The following FOXJ3 variants were observed in gnomAD, a reference collection of about 807,000 sequenced individuals.
FOXJ3 encodes the protein forkhead box J3, also known as forkhead box protein J3.
Under a neutral mutation model 76.1 loss-of-function variants are expected in FOXJ3, and 22 were observed. The observed-to-expected ratio is 0.29, with a 90% CI of 0.21 to 0.41. FOXJ3 has a LOEUF of 0.41. FOXJ3 is among the 10% of genes least tolerant of loss of function. FOXJ3 has a pLI of 1.00. For synonymous variants in FOXJ3, 269 were observed against 261.2 expected, an observed-to-expected ratio of 1.03 and a Z score of -0.29; for missense variants, 613 against 762.1, an observed-to-expected ratio of 0.80 and a Z score of 2.30.
intron 11 of FOXJ3, among the ~76,000 whole-genome samples, chr1:42,182,956 G>A (rs1037002691): frequency 2.0e-5 from 3 of 151,824 alleles, no homozygotes; most frequent in Non-Finnish European, 4.4e-5. Flanking sequence ...TGGTAAAAGA[G>A]CTACAACAAG....
At chr1:42,260,082 A>C (rs1267232638) in intron 4 of FOXJ3, among the ~76,000 whole-genome samples, 1 of 152,180 alleles carries the variant, frequency 6.6e-6, no homozygotes, top group Non-Finnish European at 1.5e-5. Flanking sequence ...AACAGTCATC[A>C]TCTTCTTTAC....
intron 5 of FOXJ3, among the ~76,000 whole-genome samples, chr1:42,224,526 G>A (rs187693164): frequency 2.1e-4 from 32 of 151,630 alleles, no homozygotes; most frequent in African/African-American, 7.0e-4. Flanking sequence ...GGTGGTGAAC[G>A]CCTGTAATCC....
At chr1:42,258,768 A>T (rs1292680824) in intron 4 of FOXJ3, among the ~76,000 whole-genome samples, 1 of 152,208 alleles carries the variant, frequency 6.6e-6, no homozygotes, top group Non-Finnish European at 1.5e-5. Context: ...ATTAACAGAC[A>T]TATCTTGCTT....
intron 2 of FOXJ3, among the ~76,000 whole-genome samples, chr1:42,303,968 G>A (rs1654311760): frequency 6.6e-6 from 1 of 152,054 alleles, no homozygotes; most frequent in African/African-American, 2.4e-5. Flanking sequence ...AAATTAGAAA[G>A]GAAGAGGTCC....
intron 6 of FOXJ3, among the ~76,000 whole-genome samples, chr1:42,200,970 A>C (rs1457115925): frequency 6.6e-6 from 1 of 152,120 alleles, no homozygotes; most frequent in East Asian, 1.9e-4. Flanking sequence ...TATATAATCT[A>C]TGTCATTTTC....
chr1:42,235,501 A>C (rs1416935996), intron 4 of FOXJ3, among the ~76,000 whole-genome samples: 4 of 151,144 alleles, frequency 2.6e-5, no homozygotes. Flanking sequence ...CGCTCACTCT[A>C]GGAGCTGTAG....
intron 2 of FOXJ3, among the ~76,000 whole-genome samples, chr1:42,285,042 T>A (rs556948026): frequency 5.9e-4 from 90 of 152,352 alleles, no homozygotes; most frequent in Non-Finnish European, 9.7e-4. Flanking sequence ...AAAGTTAGTA[T>A]TTTGATAACT....
chr1:42,318,678 T>C (rs541057331), intron 1 of FOXJ3, among the ~76,000 whole-genome samples: 1 of 152,194 alleles, frequency 6.6e-6, no homozygotes, highest in African/African-American at 2.4e-5. Context: ...CACCACTTCA[T>C]ACCCACTAAC....
chr1:42,199,371 C>T, intron 6 of FOXJ3, 141 bp from the exon 7 acceptor site: 2 of 597,852 alleles, frequency 3.3e-6, no homozygotes, highest in Non-Finnish European at 3.0e-6. Flanking sequence ...AATTCCATGC[C>T]CCATATGGCT....
At chr1:42,311,848 G>A (rs903983449) in intron 1 of FOXJ3, among the ~76,000 whole-genome samples, 4 of 152,044 alleles carry the variant, frequency 2.6e-5, no homozygotes, top group African/African-American at 9.7e-5. Flanking sequence ...TATTCAGAGG[G>A]GATTAAACTG....
chr1:42,265,073 A>T, intron 4 of FOXJ3, 42 bp downstream of exon 4: 1 of 1,160,538 alleles, frequency 8.6e-7, no homozygotes, highest in Non-Finnish European at 1.3e-6. Context: ...ATGACAAGTG[A>T]CATACTGAAG....
At chr1:42,202,360 T>C (rs1233022257) in intron 6 of FOXJ3, among the ~76,000 whole-genome samples, 3 of 152,206 alleles carry the variant, frequency 2.0e-5, no homozygotes, top group African/African-American at 4.8e-5. Flanking sequence ...CTATCATTTC[T>C]ATCATTTCTG....
intron 5 of FOXJ3, among the ~76,000 whole-genome samples, chr1:42,208,584 T>C (rs1362766780): frequency 1.3e-5 from 2 of 152,186 alleles, no homozygotes; most frequent in Admixed American, 1.3e-4. Context: ...GCTAACACCA[T>C]ACTCAATGGT....
At chr1:42,192,633 G>A (rs1034961003) in intron 8 of FOXJ3, among the ~76,000 whole-genome samples, 4 of 152,048 alleles carry the variant, frequency 2.6e-5, no homozygotes, top group African/African-American at 9.7e-5. Flanking sequence ...GATAATTTAT[G>A]TTTGTTCTCC....
intron 4 of FOXJ3, among the ~76,000 whole-genome samples, chr1:42,236,490 C>T (rs1297629947): frequency 2.6e-5 from 4 of 152,198 alleles, no homozygotes; most frequent in Non-Finnish European, 5.9e-5. Flanking sequence ...CCATCACACT[C>T]AATCTAGTTT....
chr1:42,307,052 G>C (rs925599397), intron 2 of FOXJ3, among the ~76,000 whole-genome samples: 1 of 152,258 alleles, frequency 6.6e-6, no homozygotes, highest in Non-Finnish European at 1.5e-5. Flanking sequence ...CCCAAGAAGA[G>C]GCACTAAAGA....
intron 4 of FOXJ3, among the ~76,000 whole-genome samples, chr1:42,263,705 T>A (rs1300063945): frequency 6.6e-6 from 1 of 152,110 alleles, no homozygotes; most frequent in East Asian, 1.9e-4. Flanking sequence ...TAGAAACGAA[T>A]AACTCTTCAT....
intron 1 of FOXJ3, among the ~76,000 whole-genome samples, chr1:42,327,542 CCT>C (rs910151351): frequency 2.6e-5 from 4 of 152,146 alleles, no homozygotes; most frequent in African/African-American, 4.8e-5. Context: ...TATTGAATCC[CCT>C]CTCTCTGTAA....
At chr1:42,294,749 C>T (rs1360514311) in intron 2 of FOXJ3, among the ~76,000 whole-genome samples, 7 of 111,768 alleles carry the variant, frequency 6.3e-5, no homozygotes, top group South Asian at 2.9e-4. Context: ...GCAACAAGAG[C>T]GAAACTTGGT....
Sources: gnomAD v4.1 joint callset for allele counts (sites outside exome capture counted in the v4.1 genomes callset) on GRCh38, gnomAD v4.1.1 for gene constraint, MANE v1.5 for transcripts, NCBI Gene and HGNC (gene_info 2026-07-23, HGNC 2026-07-21) for gene names.